Variants in GPC5 observed in about 807,000 individuals in gnomAD.
GPC5 encodes glypican-5.
A neutral mutation model predicts 53.9 loss-of-function variants in GPC5; 47 were observed. The ratio of observed to expected loss-of-function variants is 0.87; its 90% CI spans 0.69 to 1.11. The LOEUF is 1.11. Among genes scored for constraint, GPC5 ranks in the 50% most tolerant of loss-of-function variants. GPC5 has a pLI of 0.00. For missense variants in GPC5, 748 were observed against 713.1 expected, an observed-to-expected ratio of 1.05 and a Z score of -0.56; for synonymous variants, 286 against 263.3, an observed-to-expected ratio of 1.09 and a Z score of -0.84.
chr13:91,717,462 G>T (rs1212275466), intron 3 of GPC5, among the ~76,000 whole-genome samples: 7 of 152,198 alleles, frequency 4.6e-5, no homozygotes, highest in African/African-American at 1.7e-4. Flanking sequence ...TCTGAGAAGA[G>T]CTAGGGAAAG....
chr13:91,899,889 G>C (rs371933172), intron 5 of GPC5, among the ~76,000 whole-genome samples: 1 of 152,060 alleles, frequency 6.6e-6, no homozygotes, highest in African/African-American at 2.4e-5. Flanking sequence ...AGAACTGTGA[G>C]AGAATATATT....
intron 7 of GPC5, among the ~76,000 whole-genome samples, chr13:92,526,273 C>G (rs1881278070): frequency 6.6e-6 from 1 of 152,014 alleles, no homozygotes; most frequent in African/African-American, 2.4e-5. Context: ...TAAATGTTGA[C>G]AGAAAGGCCA....
intron 7 of GPC5, among the ~76,000 whole-genome samples, chr13:92,592,106 C>A (rs1043411190): frequency 6.6e-6 from 1 of 152,144 alleles, no homozygotes; most frequent in Non-Finnish European, 1.5e-5. Flanking sequence ...AAGAATACAC[C>A]AAGTGTGTAA....
chr13:92,310,613 T>G (rs1324799967), intron 7 of GPC5, among the ~76,000 whole-genome samples: 1 of 152,194 alleles, frequency 6.6e-6, no homozygotes, highest in Non-Finnish European at 1.5e-5. Flanking sequence ...AACTCAAACC[T>G]ATACTTTATC....
chr13:91,657,989 G>A (rs2034889200), intron 2 of GPC5, among the ~76,000 whole-genome samples: 2 of 152,088 alleles, frequency 1.3e-5, no homozygotes, highest in Admixed American at 1.3e-4. Flanking sequence ...ATGAAATTGA[G>A]CAGTGCATTA....
At chr13:91,927,329 T>G (rs1056718450) in intron 6 of GPC5, among the ~76,000 whole-genome samples, 2 of 152,172 alleles carry the variant, frequency 1.3e-5, no homozygotes, top group Non-Finnish European at 2.9e-5. Context: ...TTTTGCGGTC[T>G]TAATATCCTG....
intron 7 of GPC5, among the ~76,000 whole-genome samples, chr13:92,213,772 G>A (rs796862051): frequency 1.5e-4 from 23 of 152,180 alleles, no homozygotes; most frequent in African/African-American, 5.3e-4. Context: ...AATTCCATTT[G>A]ATAGTCTTTT....
chr13:92,581,254 C>T (rs1460969044), intron 7 of GPC5, among the ~76,000 whole-genome samples: 1 of 152,082 alleles, frequency 6.6e-6, no homozygotes, highest in East Asian at 1.9e-4. Flanking sequence ...TGGTAACCAC[C>T]ATTTTATTTC....
chr13:91,759,175 T>TA (rs556710868), intron 5 of GPC5, among the ~76,000 whole-genome samples: 57 of 152,274 alleles, frequency 3.7e-4, no homozygotes, highest in African/African-American at 1.3e-3. Flanking sequence ...TCTTTTGACT[T>TA]AAAAAATTAA....
chr13:91,742,644 G>T (rs1039819588), intron 4 of GPC5, among the ~76,000 whole-genome samples: 1 of 152,020 alleles, frequency 6.6e-6, no homozygotes, highest in Non-Finnish European at 1.5e-5. Context: ...TTGTTTTGAG[G>T]GTAACAATTA....
intron 2 of GPC5, among the ~76,000 whole-genome samples, chr13:91,555,374 G>A (rs547608381): frequency 1.6e-4 from 24 of 151,992 alleles, no homozygotes; most frequent in East Asian, 3.9e-4. Context: ...TAACTTCCCC[G>A]GTGGTAACAA....
At chr13:92,783,232 C>G (rs573850627) in intron 7 of GPC5, among the ~76,000 whole-genome samples, 16 of 152,278 alleles carry the variant, frequency 1.1e-4, no homozygotes, top group Non-Finnish European at 2.1e-4. Flanking sequence ...ACTCTCTCAC[C>G]TCTTTCACTT....
intron 7 of GPC5, among the ~76,000 whole-genome samples, chr13:92,549,177 T>C (rs752817611): frequency 6.6e-6 from 1 of 152,122 alleles, no homozygotes; most frequent in Non-Finnish European, 1.5e-5. Context: ...ATAAGGTCCA[T>C]TCTGCAAAGA....
intron 7 of GPC5, among the ~76,000 whole-genome samples, chr13:92,597,103 T>A (rs1250499099): frequency 6.6e-6 from 1 of 152,214 alleles, no homozygotes; most frequent in African/African-American, 2.4e-5. Flanking sequence ...ACAAACACTC[T>A]GTTAGGATCC....
rs568252594 is a variant in GPC5, at chr13:91,824,269, T to G, written c.1280+67849T>G. Among the ~76,000 whole-genome samples the G allele has an allele frequency of 3.3e-5, 5 of 152,058 alleles. No homozygotes were observed. In the South Asian group the frequency reaches 1.0e-3, roughly 32 times the overall value. ...ATGGATAAAGAGAAAGACAGAAAGA[T>G]GAGATTATAATTGGACTATGATGGC... On this transcript the variant is annotated intron_variant, in intron 5 of 7. Transcript: ENST00000377067.
At chr13:92,327,414 A>G (rs1030596710) in intron 7 of GPC5, among the ~76,000 whole-genome samples, 2 of 152,132 alleles carry the variant, frequency 1.3e-5, no homozygotes. Flanking sequence ...TGTCTAGTTC[A>G]GGAAATTAGC....
chr13:92,641,096 C>T (rs1885581309), intron 7 of GPC5, among the ~76,000 whole-genome samples: 1 of 152,102 alleles, frequency 6.6e-6, no homozygotes, highest in Non-Finnish European at 1.5e-5. Context: ...GAGAAGCAGG[C>T]TGCTTGCATG....
chr13:91,571,970 T>C (rs1471368664), intron 2 of GPC5, among the ~76,000 whole-genome samples: 4 of 143,970 alleles, frequency 2.8e-5, no homozygotes, highest in Admixed American at 6.9e-5. Context: ...TATGTATATA[T>C]GTGTATATAT....
intron 2 of GPC5, among the ~76,000 whole-genome samples, chr13:91,492,192 T>A (rs977548749): frequency 1.3e-5 from 2 of 152,222 alleles, no homozygotes; most frequent in Non-Finnish European, 2.9e-5. Context: ...CAAACTCTAC[T>A]TCCTGGTGAT....
Sources: gnomAD v4.1 joint callset for allele counts (sites outside exome capture counted in the v4.1 genomes callset) on GRCh38, gnomAD v4.1.1 for gene constraint, MANE v1.5 for transcripts, NCBI Gene and HGNC (gene_info 2026-07-23, HGNC 2026-07-21) for gene names.